PTPRM: variants seen among roughly 807,000 people sequenced by gnomAD.
PTPRM encodes the protein receptor-type tyrosine-protein phosphatase mu.
Under a neutral mutation model 186.7 loss-of-function variants are expected in PTPRM, and 47 were observed. The observed-to-expected ratio is 0.25, with a 90% CI of 0.20 to 0.32. The LOEUF is 0.32. PTPRM is among the 10% of genes least tolerant of loss of function. The pLI, the probability that PTPRM is intolerant of heterozygous loss-of-function variation, is 1.00. For missense variants in PTPRM, 1,494 were observed against 1,865.0 expected (o/e 0.80, Z 3.66); for synonymous variants, 668 against 674.9 (o/e 0.99, Z 0.16).
rs970270392 is a variant in PTPRM at position 7,790,439 on chromosome 18, C to T, written c.196+16168C>T. On this transcript the variant is annotated intron_variant, in intron 2 of 32. Coordinates refer to ENST00000580170, the MANE Select transcript of PTPRM (RefSeq NM_001105244.2). ...CAGCCAGCAGGGTAAAGTTTGGTCA[C>T]GGTTTTCTGGGATCAGCATAGCGGC... Among the ~76,000 whole-genome samples, 8 of 152,242 alleles carry T rather than the reference C, an allele frequency of 5.3e-5. No homozygotes were observed. In the South Asian group the frequency reaches 8.3e-4, roughly 16 times the overall value.
intron 2 of PTPRM, among the ~76,000 whole-genome samples, chr18:7,807,884 G>A (rs1021517650): frequency 2.6e-5 from 4 of 152,192 alleles, no homozygotes; most frequent in Non-Finnish European, 5.9e-5. Flanking sequence ...GGTTAAATGG[G>A]TGTAGGTTTT....
intron 14 of PTPRM, among the ~76,000 whole-genome samples, chr18:8,169,334 T>C (rs953778021): frequency 6.8e-6 from 1 of 147,268 alleles, no homozygotes; most frequent in African/African-American, 2.6e-5. Flanking sequence ...AAATACCATG[T>C]TGATTTGGGC....
chr18:7,751,197 G>A (rs149165654), intron 1 of PTPRM: 1 of 152,378 alleles, frequency 6.6e-6, no homozygotes, highest in African/African-American at 2.4e-5. Flanking sequence ...AGGAATGCCT[G>A]TGCTTCTTGG....
chr18:7,922,906 G>A (rs964554668), intron 4 of PTPRM, among the ~76,000 whole-genome samples: 1 of 152,176 alleles, frequency 6.6e-6, no homozygotes. Context: ...GTTTATGTAT[G>A]ATATGTATTA....
intron 1 of PTPRM, among the ~76,000 whole-genome samples, chr18:7,765,147 A>G (rs558118727): frequency 6.6e-6 from 1 of 152,362 alleles, no homozygotes; most frequent in South Asian, 2.1e-4. Flanking sequence ...AGAAAAATAC[A>G]TCTTTGTTTG....
chr18:8,113,591 G>A lies in PTPRM; in HGVS notation c.1962G>A (p.Leu654=). The A allele has an allele frequency of 6.2e-7, 1 of 1,614,122 alleles. No individual in the cohort carries two copies. ...PVPIHFQNAS[L]LNSQYYFAAE... Reference sequence around the variant, plus strand: ...CAATTCACTTCCAGAATGCTTCTCTGCTGAACTCACAGTACTACTTTGCTG... The same window carrying A: ...CAATTCACTTCCAGAATGCTTCTCTACTGAACTCACAGTACTACTTTGCTG... Residue 654 remains leucine, a synonymous_variant, in exon 12 of 33, where the codon CTG becomes CTA. Coordinates refer to ENST00000580170, the MANE Select transcript of PTPRM (RefSeq NM_001105244.2).
At chr18:7,870,166 G>T (rs569207211) in intron 2 of PTPRM, among the ~76,000 whole-genome samples, 1 of 152,046 alleles carries the variant, frequency 6.6e-6, no homozygotes, top group African/African-American at 2.4e-5. Context: ...GCTTTATCAG[G>T]CACCTTTTTG....
intron 1 of PTPRM, among the ~76,000 whole-genome samples, chr18:7,761,532 A>G (rs368630590): frequency 6.6e-6 from 1 of 152,176 alleles, no homozygotes. Context: ...CAGGCCATTG[A>G]TATCTTAGTA....
intron 2 of PTPRM, among the ~76,000 whole-genome samples, chr18:7,818,174 C>G (rs1430256522): frequency 1.3e-5 from 2 of 152,186 alleles, no homozygotes; most frequent in African/African-American, 4.8e-5. Flanking sequence ...TGATTTTATA[C>G]AACAGCAGTC....
At chr18:8,289,019 G>A (rs1481401958) in intron 19 of PTPRM, among the ~76,000 whole-genome samples, 1 of 152,156 alleles carries the variant, frequency 6.6e-6, no homozygotes, top group Non-Finnish European at 1.5e-5. Flanking sequence ...CATGCACAGT[G>A]CAATGCATCA....
intron 1 of PTPRM, among the ~76,000 whole-genome samples, chr18:7,665,388 G>A (rs144103717): frequency 5.8e-4 from 89 of 152,138 alleles, no homozygotes; most frequent in African/African-American, 2.1e-3. Flanking sequence ...TGTGTATTTT[G>A]AGATATTCAA....
intron 4 of PTPRM, among the ~76,000 whole-genome samples, chr18:7,912,669 G>A (rs1397424059): frequency 4.1e-5 from 6 of 144,840 alleles, no homozygotes; most frequent in African/African-American, 1.6e-4. Flanking sequence ...CCGCCACCAC[G>A]CCCGGCTAAT....
chr18:8,181,229 G>A (rs956849345), intron 14 of PTPRM, among the ~76,000 whole-genome samples: 2 of 152,172 alleles, frequency 1.3e-5, no homozygotes, highest in African/African-American at 4.8e-5. Flanking sequence ...CATCAAGGAG[G>A]AAAAAGTGAG....
intron 7 of PTPRM, among the ~76,000 whole-genome samples, chr18:8,020,402 T>G (rs1442730081): frequency 1.3e-5 from 2 of 152,202 alleles, no homozygotes; most frequent in African/African-American, 4.8e-5. Context: ...ATAATGCATG[T>G]GGTCAAGAAG....
chr18:7,579,477 A>G (rs942004187), intron 1 of PTPRM, among the ~76,000 whole-genome samples: 6 of 152,246 alleles, frequency 3.9e-5, no homozygotes, highest in Non-Finnish European at 5.9e-5. Flanking sequence ...ATAGCAAACT[A>G]TAATTGGCCA....
chr18:8,250,962 C>T (rs2094522844), intron 17 of PTPRM, among the ~76,000 whole-genome samples: 1 of 152,172 alleles, frequency 6.6e-6, no homozygotes, highest in South Asian at 2.1e-4. Context: ...GACCCAATTT[C>T]ATAGCAGCAC....
chr18:8,320,659 C>T (rs1180633680), intron 22 of PTPRM, among the ~76,000 whole-genome samples: 1 of 152,118 alleles, frequency 6.6e-6, no homozygotes, highest in Non-Finnish European at 1.5e-5. Flanking sequence ...TGAAATGGAG[C>T]CACTGTGGAA....
intron 7 of PTPRM, among the ~76,000 whole-genome samples, chr18:8,016,928 G>T (rs1010263908): frequency 6.6e-6 from 1 of 152,056 alleles, no homozygotes; most frequent in African/African-American, 2.4e-5. Flanking sequence ...CAATATTCAC[G>T]CATTAATAGA....
At chr18:7,656,238 T>C (rs2038844724) in intron 1 of PTPRM, among the ~76,000 whole-genome samples, 1 of 152,230 alleles carries the variant, frequency 6.6e-6, no homozygotes, top group Non-Finnish European at 1.5e-5. Flanking sequence ...TGATGTAATA[T>C]TATTCAGCTT....
Sources: allele counts gnomAD v4.1 joint callset (sites outside exome capture counted in the v4.1 genomes callset), GRCh38; gene constraint gnomAD v4.1.1; transcripts MANE v1.5; gene names NCBI Gene and HGNC (gene_info 2026-07-23, HGNC 2026-07-21).